Variants in CERS1 observed in about 807,000 individuals in gnomAD.
The protein encoded by CERS1 is ceramide synthase 1.
In CERS1, 16 loss-of-function variants were observed where a neutral mutation model predicts 35.7. That is an observed-to-expected ratio of 0.45 (90% confidence interval 0.30 to 0.68). The LOEUF (loss-of-function observed/expected upper bound fraction) is 0.68, where lower values mean the gene tolerates loss of function less well. Among genes scored for constraint, CERS1 ranks in the 30% least tolerant of loss-of-function variants. The pLI, the probability that CERS1 is intolerant of heterozygous loss-of-function variation, is 0.08. For missense variants in CERS1, 454 were observed against 453.9 expected, an observed-to-expected ratio of 1.00 and a Z score of 0.00; for synonymous variants, 243 against 201.6, an observed-to-expected ratio of 1.21 and a Z score of -1.74.
intron 3 of CERS1, among the ~76,000 whole-genome samples, chr19:18,881,168 A>G (rs1054197653): frequency 3.9e-4 from 58 of 150,306 alleles, no homozygotes; most frequent in African/African-American, 1.4e-3. Flanking sequence ...CAGCCTGGCC[A>G]TCGCTGCAGG....
chr19:18,889,253 CTCTCCA>C (rs2056436727), intron 2 of CERS1, among the ~76,000 whole-genome samples: 1 of 152,078 alleles, frequency 6.6e-6, no homozygotes, highest in Non-Finnish European at 1.5e-5. Flanking sequence ...TGCCCTGATC[CTCTCCA>C]TCCTGACTCT....
rs942962569 is a variant in CERS1 at position 18,878,824 on chromosome 19, C to T, written c.1010+106G>A. 3.9e-5 allele frequency: 58 copies of T among 1,504,760 alleles called. No homozygotes were observed. Among genetic ancestry groups the T allele is most frequent in the African/African-American group, 2.8e-4 (20 of 72,278 alleles). 93.2% of individuals were successfully genotyped at this position (1,504,760 alleles called of 1,614,324 possible). A position where few individuals can be genotyped will look rare whatever the true frequency, so the allele number is the denominator to read the frequency against. ...TGGAGTAGGCTTGGGGGGCAGCATC[C>T]GCGTCGGCCTCATCTGCTGCTGGGT... On this transcript the variant is annotated intron_variant, in intron 6 of 7. Transcript: ENST00000623882. The surrounding 1 kb of genome is among the most constrained non-coding windows in gnomAD (Gnocchi z 4.6).
At position 18,868,633 on chromosome 19, in the gene CERS1, A is replaced by ATACTG; in HGVS notation, c.*1347_*1351dup. ...CGCACTCGTCCACCACCATGTCCTC[A>ATACTG]TACTGCCGCAGCACCACGTTGTCGC... is the stretch of plus-strand genomic sequence containing the variant. On this transcript the variant is annotated 3_prime_UTR_variant, in exon 8 of 8. Transcript: ENST00000623882. The ATACTG allele has an allele frequency of 6.4e-7, 1 of 1,573,868 alleles. No individual in the cohort carries two copies. The highest frequency in any genetic ancestry group is 8.6e-7 in the Non-Finnish European group (1 of 1,159,910).
At chr19:18,896,357 CG>C (rs2056626827), upstream of CERS1, among the ~76,000 whole-genome samples, 1 of 151,388 alleles carries the variant, frequency 6.6e-6, no homozygotes, top group Non-Finnish European at 1.5e-5. This position sits in a 1 kb window ranked among gnomAD's most constrained non-coding sequence, Gnocchi z 5.9. Context: ...ACCTGGACCC[CG>C]AGAGACCCCG....
At chr19:18,884,502 G>T (rs1482980604) in intron 2 of CERS1, among the ~76,000 whole-genome samples, 1 of 151,496 alleles carries the variant, frequency 6.6e-6, no homozygotes, top group African/African-American at 2.4e-5. Flanking sequence ...CCACATCCTG[G>T]GTTCAAACGA....
At chr19:18,874,603 C>T (rs1243797337) in intron 6 of CERS1, among the ~76,000 whole-genome samples, 1 of 152,168 alleles carries the variant, frequency 6.6e-6, no homozygotes, top group Non-Finnish European at 1.5e-5. Flanking sequence ...TCCCGGCAGC[C>T]CCTGAGAGGG....
chr19:18,880,576 G>A (rs1189257931), intron 3 of CERS1, 141 bp from the exon 4 acceptor site: 4 of 754,722 alleles, frequency 5.3e-6, no homozygotes, highest in Admixed American at 3.1e-5. Context: ...TGCCTCGCCT[G>A]CCCTGCCCAT....
chr19:18,869,942 TG>T (rs771448135), intron 7 of CERS1, 40 bp downstream of exon 7: 1 of 1,541,748 alleles, frequency 6.5e-7, no homozygotes, highest in African/African-American at 1.4e-5. Context: ...CTGCGAGGTC[TG>T]GCCTCCAGGA....
intron 3 of CERS1, 126 bp downstream of exon 3, chr19:18,883,961 G>A (rs2056281063): frequency 2.9e-6 from 3 of 1,028,228 alleles, no homozygotes; most frequent in African/African-American, 1.6e-5. Context: ...CTCTGACCTT[G>A]GAACCCTGAG....
At position 18,868,980 on chromosome 19, in the gene CERS1, G is replaced by A; in HGVS notation, c.*1005C>T. 2.6e-6 allele frequency: 3 copies of A among 1,136,980 alleles called. No homozygotes were observed. Among genetic ancestry groups the A allele is most frequent in the Non-Finnish European group, 3.2e-6 (3 of 927,512 alleles). 70.4% of individuals were successfully genotyped at this position (1,136,980 alleles called of 1,614,324 possible). A position where few individuals can be genotyped will look rare whatever the true frequency, so the allele number is the denominator to read the frequency against. On this transcript the variant is annotated 3_prime_UTR_variant, in exon 8 of 8. Coordinates refer to ENST00000623882, the MANE Select transcript of CERS1 (RefSeq NM_021267.5). ...TCGCGCCGCGGCCGGGCCAGGGGGT[G>A]GCACAGGCGCGGGTCGAGGGTCACC...
At chr19:18,874,366 C>A (rs1374553616) in intron 6 of CERS1, among the ~76,000 whole-genome samples, 1 of 152,186 alleles carries the variant, frequency 6.6e-6, no homozygotes, top group Non-Finnish European at 1.5e-5. Context: ...TGCAGTGGTG[C>A]AGTCATGGCT....
rs760913694 is a variant in CERS1, at chr19:18,884,072, C to T, written c.590+15G>A. On this transcript the variant is annotated intron_variant, in intron 3 of 7. Transcript: ENST00000623882. ...GGCTGTGCCTCGGCCCCCTGCCACCCGATCCTGTCCTTACCGGAAGGCGTA... is the reference window on the plus strand; with the variant it reads ...GGCTGTGCCTCGGCCCCCTGCCACCTGATCCTGTCCTTACCGGAAGGCGTA... 73 of 1,604,480 alleles carry T rather than the reference C, an allele frequency of 4.5e-5. No individual in the cohort carries two copies. Among genetic ancestry groups the T allele is most frequent in the Middle Eastern group, 1.7e-4 (1 of 6,048 alleles).
chr19:18,881,575 A>T (rs116234255), intron 3 of CERS1: 2,265 of 152,250 alleles, frequency 0.015, 53 homozygotes, highest in African/African-American at 0.052. Flanking sequence ...CAGAGTCTCC[A>T]TCTGACAGAT....
In CERS1 at chr19:18,896,035, G is replaced by A; in HGVS notation, c.38C>T (p.Pro13Leu). ...CTGCGCGTAGCTCGGCATGGGCTCG[G>A]GCCCCGTCGGCCCCGCCGCGGGCCC... The part of the protein sequence containing the change: ...AAGPAAGPTG[P>L]EPMPSYAQLV... Residue 13 changes from proline to leucine, a missense_variant, in exon 1 of 8, where the codon CCC (proline) becomes CTC (leucine). Physicochemically the swap from Pro to Leu is moderately conservative, Grantham distance 98. Coordinates refer to ENST00000623882, the MANE Select transcript of CERS1 (RefSeq NM_021267.5). The surrounding 1 kb of genome is among the most constrained non-coding windows in gnomAD (Gnocchi z 5.9). 1 of 989,956 alleles carries A rather than the reference G, an allele frequency of 1.0e-6. No homozygotes were observed. The highest frequency in any genetic ancestry group is 1.2e-6 in the Non-Finnish European group (1 of 834,648). The allele number at this position is 989,956 out of a possible 1,614,324, so 61.3% of individuals were successfully genotyped here. A position where few individuals can be genotyped will look rare whatever the true frequency, so the allele number is the denominator to read the frequency against.
At position 18,870,455 on chromosome 19, in the gene CERS1, A is replaced by T; in HGVS notation, c.*122T>A. 11 of 429,390 alleles carry T rather than the reference A, an allele frequency of 2.6e-5. No individual in the cohort carries two copies. Among genetic ancestry groups the T allele is most frequent in the Non-Finnish European group, 4.1e-5 (11 of 267,498 alleles). The allele number at this position is 429,390 out of a possible 1,614,324, so 26.6% of individuals were successfully genotyped here. On this transcript the variant is annotated 3_prime_UTR_variant, in exon 7 of 8. Transcript: ENST00000623882. The surrounding 1 kb of genome is among the most constrained non-coding windows in gnomAD (Gnocchi z 5.1). ...AGGCAGGATGAGGGGGCGGGGTCCCAGGGGAGGTGGCGGCGGCCCTAGAGG... is the reference window on the plus strand; with the variant it reads ...AGGCAGGATGAGGGGGCGGGGTCCCTGGGGAGGTGGCGGCGGCCCTAGAGG...
At chr19:18,883,428 G>A (rs2056264083) in intron 3 of CERS1, 1 of 152,228 alleles carries the variant, frequency 6.6e-6, no homozygotes, top group Non-Finnish European at 1.5e-5. Flanking sequence ...CACACTTCGG[G>A]GAGCTGAGGT....
chr19:18,881,073 G>T (rs1265852187), intron 3 of CERS1, among the ~76,000 whole-genome samples: 1 of 152,034 alleles, frequency 6.6e-6, no homozygotes, highest in Non-Finnish European at 1.5e-5. Flanking sequence ...TCACAGGCCT[G>T]GGGTACTCTG....
intron 2 of CERS1, among the ~76,000 whole-genome samples, chr19:18,885,697 T>C (rs2056338853): frequency 6.6e-6 from 1 of 150,656 alleles, no homozygotes; most frequent in African/African-American, 2.5e-5. Context: ...TTTTTTTTTT[T>C]TTCAGTAGAG....
intron 3 of CERS1, 101 bp downstream of exon 3, chr19:18,883,986 G>A: frequency 7.7e-7 from 1 of 1,294,828 alleles, no homozygotes; most frequent in Non-Finnish European, 1.1e-6. Flanking sequence ...CCGACCTGAT[G>A]TGATCCCCTC....
Sources: gnomAD v4.1 joint callset for allele counts (sites outside exome capture counted in the v4.1 genomes callset) on GRCh38, gnomAD v4.1.1 for gene constraint, Gnocchi (gnomAD v3.1) non-coding constraint, MANE v1.5 for transcripts, NCBI Gene and HGNC (gene_info 2026-07-23, HGNC 2026-07-21) for gene names.